The following TENM4 variants were observed in gnomAD, a reference collection of about 807,000 sequenced individuals.
The protein encoded by TENM4 is teneurin-4.
A neutral mutation model predicts 243.3 loss-of-function variants in TENM4; 82 were observed. That is an observed-to-expected ratio of 0.34 (90% CI 0.28 to 0.40). The LOEUF is 0.40. Among genes scored for constraint, TENM4 ranks in the 10% least tolerant of loss-of-function variants. The pLI is 1.00. For synonymous variants in TENM4, 1,412 were observed against 1,456.3 expected, an observed-to-expected ratio of 0.97 and a Z score of 0.69; for missense variants, 3,138 against 3,673.3, an observed-to-expected ratio of 0.85 and a Z score of 3.77.
chr11:79,090,727 A>G (rs888246879), intron 4 of TENM4, among the ~76,000 whole-genome samples: 1 of 152,058 alleles, frequency 6.6e-6, no homozygotes, highest in Admixed American at 6.5e-5. Context: ...GGTTTTGGGA[A>G]CTCAAGCCCT....
intron 31 of TENM4, among the ~76,000 whole-genome samples, chr11:78,671,373 A>G (rs1362867266): frequency 6.6e-6 from 1 of 152,236 alleles, no homozygotes; most frequent in African/African-American, 2.4e-5. Flanking sequence ...GAGCAAGCAC[A>G]GCCTATGCCC....
chr11:78,789,690 C>T (rs953865493), intron 15 of TENM4, among the ~76,000 whole-genome samples: 7 of 152,234 alleles, frequency 4.6e-5, no homozygotes, highest in East Asian at 1.9e-4. Flanking sequence ...AGGAGAGGGG[C>T]GGGCTGCTGG....
At chr11:79,427,681 CATT>C (rs1400270768) in intron 1 of TENM4, among the ~76,000 whole-genome samples, 1 of 152,056 alleles carries the variant, frequency 6.6e-6, no homozygotes, top group Non-Finnish European at 1.5e-5. Flanking sequence ...TGTTTATATG[CATT>C]ATTGTCATAA....
intron 12 of TENM4, among the ~76,000 whole-genome samples, chr11:78,843,554 C>T (rs477723): frequency 0.32 from 48,991 of 151,932 alleles, 8,573 homozygotes; most frequent in Middle Eastern, 0.4. Flanking sequence ...ATACAGTATG[C>T]ATTGAACAAA....
intron 28 of TENM4, among the ~76,000 whole-genome samples, chr11:78,693,947 A>C (rs1057028213): frequency 6.6e-6 from 1 of 152,074 alleles, no homozygotes; most frequent in Non-Finnish European, 1.5e-5. Context: ...CCCGGGAGAC[A>C]GAGGTTGCCG....
At chr11:79,405,755 G>T (rs1565333036) in intron 1 of TENM4, among the ~76,000 whole-genome samples, 1 of 150,024 alleles carries the variant, frequency 6.7e-6, no homozygotes, top group Non-Finnish European at 1.5e-5. Context: ...TCTTAATGTG[G>T]AGCAGGTAGG....
intron 2 of TENM4, among the ~76,000 whole-genome samples, chr11:79,224,960 A>T (rs80080088): frequency 6.6e-6 from 1 of 151,564 alleles, no homozygotes; most frequent in African/African-American, 2.4e-5. Flanking sequence ...TAAAAAAAAA[A>T]GGGGGAGGGG....
intron 6 of TENM4, among the ~76,000 whole-genome samples, chr11:79,028,830 A>G (rs1018571402): frequency 6.6e-6 from 1 of 152,212 alleles, no homozygotes; most frequent in Non-Finnish European, 1.5e-5. Context: ...TGTGTGGGGC[A>G]CTAGTTAACA....
intron 1 of TENM4, among the ~76,000 whole-genome samples, chr11:79,342,244 T>G (rs2135462450): frequency 6.6e-6 from 1 of 151,896 alleles, no homozygotes; most frequent in Admixed American, 6.6e-5. Flanking sequence ...ATGAGGAGAG[T>G]TGACCAGAGA....
At chr11:79,286,424 G>A (rs1856251890) in intron 2 of TENM4, among the ~76,000 whole-genome samples, 1 of 151,624 alleles carries the variant, frequency 6.6e-6, no homozygotes, top group Non-Finnish European at 1.5e-5. Flanking sequence ...GGTGGAGGTG[G>A]GGGGGATCAC....
chr11:79,165,305 T>C (rs576154821), intron 3 of TENM4, among the ~76,000 whole-genome samples: 13 of 152,288 alleles, frequency 8.5e-5, no homozygotes, highest in African/African-American at 3.1e-4. Flanking sequence ...CCAATATCTA[T>C]TACTTTTTGA....
At chr11:78,665,052 AAAAAATTCC>A (rs1858120471) in intron 32 of TENM4, among the ~76,000 whole-genome samples, 1 of 152,160 alleles carries the variant, frequency 6.6e-6, no homozygotes, top group East Asian at 1.9e-4. Context: ...CCCTCAAGTT[AAAAAATTCC>A]TCTTCACTCA....
chr11:79,031,665 T>C (rs1859240806), intron 6 of TENM4, among the ~76,000 whole-genome samples: 1 of 152,130 alleles, frequency 6.6e-6, no homozygotes, highest in South Asian at 2.1e-4. Flanking sequence ...ACTGTACCTG[T>C]GGAAGGACAG....
At chr11:78,782,604 AC>A (rs1413284858) in intron 16 of TENM4, among the ~76,000 whole-genome samples, 1 of 152,062 alleles carries the variant, frequency 6.6e-6, no homozygotes, top group Non-Finnish European at 1.5e-5. Flanking sequence ...TCTCAAAAAA[AC>A]AAAAAACAAA....
intron 20 of TENM4, among the ~76,000 whole-genome samples, chr11:78,738,218 C>G (rs1461269205): frequency 1.3e-5 from 2 of 152,176 alleles, no homozygotes; most frequent in Non-Finnish European, 2.9e-5. Context: ...GGTACCCTCT[C>G]CTTACTCTGA....
intron 16 of TENM4, among the ~76,000 whole-genome samples, chr11:78,779,063 T>C (rs1160852267): frequency 6.6e-6 from 1 of 152,176 alleles, no homozygotes; most frequent in African/African-American, 2.4e-5. Flanking sequence ...CAAGAACAAG[T>C]GGTACCCCAT....
intron 11 of TENM4, among the ~76,000 whole-genome samples, chr11:78,854,930 T>C (rs976624442): frequency 6.6e-6 from 1 of 152,222 alleles, no homozygotes; most frequent in African/African-American, 2.4e-5. Flanking sequence ...CTGTGTCAAA[T>C]ACAATTGCCA....
intron 2 of TENM4, among the ~76,000 whole-genome samples, chr11:79,245,515 T>C (rs1476512181): frequency 6.6e-6 from 1 of 152,228 alleles, no homozygotes; most frequent in Non-Finnish European, 1.5e-5. Context: ...CTCTGTGCCT[T>C]AGTTTCTTCA....
intron 27 of TENM4, among the ~76,000 whole-genome samples, chr11:78,704,328 T>C (rs140796191): frequency 6.6e-6 from 1 of 151,704 alleles, no homozygotes; most frequent in African/African-American, 2.4e-5. Context: ...AGTGTATGCT[T>C]TTAGATAAGA....
Sources: allele counts gnomAD v4.1 joint callset (sites outside exome capture counted in the v4.1 genomes callset), GRCh38; gene constraint gnomAD v4.1.1; transcripts MANE v1.5; gene names NCBI Gene and HGNC (gene_info 2026-07-23, HGNC 2026-07-21).